Variants in SGPP1 observed in about 807,000 individuals in gnomAD.
The protein encoded by SGPP1 is sphingosine-1-phosphate phosphatase 1.
In SGPP1, 21 loss-of-function variants were observed where a neutral mutation model predicts 33.0. The observed-to-expected ratio is 0.64, with a 90% CI of 0.45 to 0.92. The LOEUF (loss-of-function observed/expected upper bound fraction) is 0.92, where lower values mean the gene tolerates loss of function less well. Ranked by LOEUF, SGPP1 falls within the 40% of genes least tolerant of loss-of-function variation. SGPP1 has a pLI of 0.00. For missense variants in SGPP1, 543 were observed against 589.4 expected (o/e 0.92, Z 0.81); for synonymous variants, 239 against 241.2 (o/e 0.99, Z 0.08).
chr14:63,704,335 T>C (rs1885363064), intron 1 of SGPP1, among the ~76,000 whole-genome samples: 3 of 152,236 alleles, frequency 2.0e-5, no homozygotes, highest in African/African-American at 4.8e-5. Flanking sequence ...ACCAGTGAAA[T>C]AGAATCGTGG....
chr14:63,724,726 C>G (rs1203296232), intron 1 of SGPP1, among the ~76,000 whole-genome samples: 1 of 143,270 alleles, frequency 7.0e-6, no homozygotes, highest in Non-Finnish European at 1.5e-5. Context: ...GGCCGATGAG[C>G]GGGGGGCGGC....
chr14:63,691,833 C>G (rs1271939682), intron 2 of SGPP1, among the ~76,000 whole-genome samples: 1 of 151,712 alleles, frequency 6.6e-6, no homozygotes, highest in Admixed American at 6.6e-5. Flanking sequence ...AAAGACTTTA[C>G]CTTATTTATA....
At chr14:63,714,424 A>T (rs1885580263) in intron 1 of SGPP1, among the ~76,000 whole-genome samples, 1 of 151,948 alleles carries the variant, frequency 6.6e-6, no homozygotes, top group Non-Finnish European at 1.5e-5. Flanking sequence ...TATTTTTTTT[A>T]ATTTTCATTT....
chr14:63,692,636 G>A lies in SGPP1; in HGVS notation c.774+5933C>T, dbSNP rs116008213. 5.9e-3 allele frequency among the ~76,000 whole-genome samples: 899 copies of A among 151,748 alleles called. 12 individuals carry two copies. The highest frequency in any genetic ancestry group is 0.021 in the African/African-American group (872 of 41,388). On this transcript the variant is annotated intron_variant, in intron 2 of 2. Transcript: ENST00000247225. ...GGCTAATATTTTGTATTTTTTTGTAGAGACAGGCTTTCCCTATGTTGCTCA... is the reference window on the plus strand; with the variant it reads ...GGCTAATATTTTGTATTTTTTTGTAAAGACAGGCTTTCCCTATGTTGCTCA...
intron 1 of SGPP1, among the ~76,000 whole-genome samples, chr14:63,711,378 G>C (rs890786335): frequency 3.3e-5 from 5 of 151,968 alleles, no homozygotes; most frequent in African/African-American, 4.8e-5. Context: ...TATTACTCAG[G>C]GTTCTCCAGA....
At chr14:63,692,592 G>A (rs1885110744) in intron 2 of SGPP1, among the ~76,000 whole-genome samples, 2 of 152,040 alleles carry the variant, frequency 1.3e-5, no homozygotes, top group South Asian at 4.1e-4. Flanking sequence ...TGGGACTACA[G>A]GCGCAAGCCA....
chr14:63,715,098 G>A (rs1419008053), intron 1 of SGPP1, among the ~76,000 whole-genome samples: 4 of 142,912 alleles, frequency 2.8e-5, no homozygotes, highest in East Asian at 2.1e-4. Flanking sequence ...CACTGCAACC[G>A]CTGCCTCCCG....
chr14:63,693,787 A>C (rs1885133388), intron 2 of SGPP1, among the ~76,000 whole-genome samples: 1 of 151,810 alleles, frequency 6.6e-6, no homozygotes. Flanking sequence ...CTTATTTTTT[A>C]ATTTTTTATA....
intron 1 of SGPP1, among the ~76,000 whole-genome samples, chr14:63,707,040 CA>C (rs747329924): frequency 0.14 from 9,313 of 66,404 alleles, 300 homozygotes; most frequent in African/African-American, 0.27. Flanking sequence ...GACTCTGTCC[CA>C]AAAAAAAAAA....
chr14:63,720,482 G>A (rs1885748434), intron 1 of SGPP1, among the ~76,000 whole-genome samples: 1 of 152,158 alleles, frequency 6.6e-6, no homozygotes, highest in African/African-American at 2.4e-5. Flanking sequence ...ATATAGGCCG[G>A]GTGCGGTGGC....
intron 2 of SGPP1, among the ~76,000 whole-genome samples, chr14:63,689,796 C>CAA (rs1382846036): frequency 1.1e-4 from 9 of 85,548 alleles, no homozygotes; most frequent in Non-Finnish European, 1.2e-4. Flanking sequence ...GACTCTGTCT[C>CAA]AAAAAAAAAA....
At chr14:63,688,765 A>G in intron 2 of SGPP1, among the ~76,000 whole-genome samples, 1 of 139,402 alleles carries the variant, frequency 7.2e-6, no homozygotes, top group African/African-American at 2.8e-5. Flanking sequence ...TCTGTTGCCC[A>G]GGCTGGAATG....
At chr14:63,706,245 A>G (rs1163692769) in intron 1 of SGPP1, among the ~76,000 whole-genome samples, 1 of 152,212 alleles carries the variant, frequency 6.6e-6, no homozygotes, top group Non-Finnish European at 1.5e-5. Flanking sequence ...TACAGCCACA[A>G]CATGGATGGT....
chr14:63,714,914 T>G (rs1885588926), intron 1 of SGPP1, among the ~76,000 whole-genome samples: 2 of 149,688 alleles, frequency 1.3e-5, no homozygotes, highest in South Asian at 2.1e-4. Context: ...TTTTTTATAG[T>G]GATGGAATTT....
intron 1 of SGPP1, among the ~76,000 whole-genome samples, chr14:63,714,892 T>C (rs551443651): frequency 6.6e-6 from 1 of 151,788 alleles, no homozygotes; most frequent in African/African-American, 2.4e-5. Context: ...CACGCCTGGC[T>C]AACTTTCTAT....
At chr14:63,718,398 T>A (rs1392847928) in intron 1 of SGPP1, among the ~76,000 whole-genome samples, 2 of 152,102 alleles carry the variant, frequency 1.3e-5, no homozygotes, top group African/African-American at 2.4e-5. Context: ...GCTAAGGAAA[T>A]GTTATCACCA....
chr14:63,698,067 C>T (rs529253933), intron 2 of SGPP1, among the ~76,000 whole-genome samples: 5 of 152,250 alleles, frequency 3.3e-5, no homozygotes, highest in African/African-American at 1.2e-4. Flanking sequence ...GCTTTGGGAA[C>T]CGAATTGCAT....
At chr14:63,713,249 G>T (rs1318638898) in intron 1 of SGPP1, among the ~76,000 whole-genome samples, 3 of 152,138 alleles carry the variant, frequency 2.0e-5, no homozygotes, top group Non-Finnish European at 4.4e-5. Context: ...TTCATTATTT[G>T]CTATTTCTAT....
rs781089551 is a variant in SGPP1 at position 63,698,645 on chromosome 14, T to C, written c.698A>G (p.Tyr233Cys). ...CCAGCAGGGAATAAGAATCAGTCCATATATAAGAGGGTACTAAAGGGGAAA... is the reference window on the plus strand; with the variant it reads ...CCAGCAGGGAATAAGAATCAGTCCACATATAAGAGGGTACTAAAGGGGAAA... ...TYGRWQYPLI[Y>C]GLILIPCWCS... Residue 233 changes from tyrosine to cysteine, a missense_variant, in exon 2 of 3, where the codon TAT becomes TGT. Coordinates refer to ENST00000247225, the MANE Select transcript of SGPP1 (RefSeq NM_030791.4). The C allele has an allele frequency of 3.8e-6, 6 of 1,585,110 alleles. No homozygotes were observed. The highest frequency in any genetic ancestry group is 1.2e-5 in the South Asian group (1 of 85,740).
Sources: gnomAD v4.1 joint callset for allele counts (sites outside exome capture counted in the v4.1 genomes callset) on GRCh38, gnomAD v4.1.1 for gene constraint, MANE v1.5 for transcripts, NCBI Gene and HGNC (gene_info 2026-07-23, HGNC 2026-07-21) for gene names.